Variants in CNTNAP2 observed in about 807,000 individuals in gnomAD.
CNTNAP2 encodes contactin associated protein 2.
A neutral mutation model predicts 155.2 loss-of-function variants in CNTNAP2; 98 were observed. The ratio of observed to expected loss-of-function variants is 0.63; its 90% confidence interval spans 0.54 to 0.75. The LOEUF (loss-of-function observed/expected upper bound fraction) is 0.75, where lower values mean the gene tolerates loss of function less well. Among genes scored for constraint, CNTNAP2 ranks in the 30% least tolerant of loss-of-function variants. CNTNAP2 has a pLI of 0.00. For missense variants in CNTNAP2, 1,727 were observed against 1,688.1 expected, an observed-to-expected ratio of 1.02 and a Z score of -0.40; for synonymous variants, 651 against 631.2, an observed-to-expected ratio of 1.03 and a Z score of -0.47.
In CNTNAP2 at chr7:148,061,954, T is replaced by TATAGATAGATAG. The variant is rs10535597; in HGVS notation, c.2384-56121_2384-56110dup. Among the ~76,000 whole-genome samples the TATAGATAGATAG allele has an allele frequency of 1.5e-3, 143 of 95,964 alleles. 5 individuals are homozygous for TATAGATAGATAG. In the East Asian group the frequency reaches 0.02, roughly 14 times the overall value. The allele number at this position is 95,964 out of a possible 152,430, so 63.0% of individuals were successfully genotyped here. ...ATAGATAGATAGATAGATAAACAGATATAGATAGATAGATAGATAGATAGA... is the reference window on the plus strand; with the variant it reads ...ATAGATAGATAGATAGATAAACAGATATAGATAGATAGATAGATAGATAGATAGATAGATAGA... On this transcript the variant is annotated intron_variant, in intron 15 of 23. Transcript: ENST00000361727.
intron 9 of CNTNAP2, among the ~76,000 whole-genome samples, chr7:147,390,157 A>G (rs1796685551): frequency 6.6e-6 from 1 of 152,232 alleles, no homozygotes; most frequent in Non-Finnish European, 1.5e-5. Context: ...CAGGAGGTTC[A>G]GTATCAGAGA....
Position 148,136,518 on chromosome 7 carries a change from T to C in CNTNAP2, c.2555-10973T>C, listed in dbSNP as rs117204411. ...AGTCGATGCCAGCACTATGCTCATA[T>C]AGCCTGCAGAGCCAAGAGTCAAATA... On this transcript the variant is annotated intron_variant, in intron 16 of 23. Transcript: ENST00000361727. Among the ~76,000 whole-genome samples the C allele has an allele frequency of 6.8e-3, 1,043 of 152,290 alleles. 8 individuals carry two copies. Among genetic ancestry groups the C allele is most frequent in the South Asian group, 0.02 (95 of 4,824 alleles).
intron 13 of CNTNAP2, among the ~76,000 whole-genome samples, chr7:147,897,746 T>G (rs541049994): frequency 6.6e-6 from 1 of 152,338 alleles, no homozygotes; most frequent in South Asian, 2.1e-4. Flanking sequence ...GTGGTTGAGA[T>G]GCTGTGGTTT....
chr7:148,287,792 T>C, intron 21 of CNTNAP2, among the ~76,000 whole-genome samples: 1 of 21,132 alleles, frequency 4.7e-5, no homozygotes, highest in East Asian at 2.5e-3. Flanking sequence ...TCTTTCTTTT[T>C]TTCTTTTTTT....
At chr7:148,199,657 G>A (rs1338815655) in intron 18 of CNTNAP2, among the ~76,000 whole-genome samples, 1 of 152,208 alleles carries the variant, frequency 6.6e-6, no homozygotes, top group Non-Finnish European at 1.5e-5. Context: ...AGTTCAAATT[G>A]AGATTGTGCT....
intron 1 of CNTNAP2, among the ~76,000 whole-genome samples, chr7:146,261,458 A>G (rs1409674161): frequency 1.3e-5 from 2 of 151,806 alleles, no homozygotes; most frequent in Non-Finnish European, 2.9e-5. Flanking sequence ...AATAAATAAT[A>G]TAGAATTTAT....
intron 3 of CNTNAP2, among the ~76,000 whole-genome samples, chr7:146,988,572 G>C (rs538867112): frequency 6.6e-6 from 1 of 152,186 alleles, no homozygotes; most frequent in Admixed American, 6.5e-5. Flanking sequence ...TTTGGGTAGG[G>C]GGTATTTCTT....
chr7:147,866,765 T>G (rs1014178812), intron 13 of CNTNAP2, among the ~76,000 whole-genome samples: 26 of 151,594 alleles, frequency 1.7e-4, no homozygotes, highest in African/African-American at 6.1e-4. Flanking sequence ...TTTTTTGTTT[T>G]TTGTTGTTGT....
At chr7:147,498,907 C>T (rs536893656) in intron 11 of CNTNAP2, among the ~76,000 whole-genome samples, 2 of 152,062 alleles carry the variant, frequency 1.3e-5, no homozygotes, top group East Asian at 3.9e-4. Context: ...GGAATGGGCT[C>T]ACATTGACAC....
intron 8 of CNTNAP2, among the ~76,000 whole-genome samples, chr7:147,133,462 C>T (rs1463613558): frequency 6.6e-6 from 1 of 151,966 alleles, no homozygotes; most frequent in African/African-American, 2.4e-5. Flanking sequence ...ATGCCATATA[C>T]TCTCATGGCA....
At chr7:146,126,746 T>C (rs921667242) in intron 1 of CNTNAP2, among the ~76,000 whole-genome samples, 6 of 152,230 alleles carry the variant, frequency 3.9e-5, no homozygotes, top group African/African-American at 1.2e-4. Context: ...ATGAAGCTTT[T>C]CTTGAGAGTG....
At chr7:147,802,196 G>A (rs1311944824) in intron 13 of CNTNAP2, among the ~76,000 whole-genome samples, 3 of 146,706 alleles carry the variant, frequency 2.0e-5, no homozygotes, top group Non-Finnish European at 4.5e-5. Context: ...GGGCAGAGGT[G>A]CTCCCCACAT....
rs188934552 is a variant in CNTNAP2 at position 147,229,880 on chromosome 7, T to G, written c.1349-70261T>G. On this transcript the variant is annotated intron_variant, in intron 8 of 23. Coordinates refer to ENST00000361727, the MANE Select transcript of CNTNAP2 (RefSeq NM_014141.6). Reference sequence around the variant, plus strand: ...CGGGACATCTAATCCATGGCTCTATTAATGCTTTATATTTTGTGGCTTAAA... The same window carrying G: ...CGGGACATCTAATCCATGGCTCTATGAATGCTTTATATTTTGTGGCTTAAA... Among the ~76,000 whole-genome samples, 410 of 152,316 alleles carry G rather than the reference T, an allele frequency of 2.7e-3. 1 individual carries two copies. Among genetic ancestry groups the G allele is most frequent in the African/African-American group, 9.2e-3 (384 of 41,588 alleles).
chr7:147,038,029 C>A (rs867272572), intron 3 of CNTNAP2, among the ~76,000 whole-genome samples: 9 of 152,152 alleles, frequency 5.9e-5, no homozygotes, highest in East Asian at 3.9e-4. Flanking sequence ...TTGGCACACA[C>A]CTATAGTCCT....
At chr7:147,004,075 T>C (rs1798478021) in intron 3 of CNTNAP2, among the ~76,000 whole-genome samples, 1 of 151,742 alleles carries the variant, frequency 6.6e-6, no homozygotes, top group African/African-American at 2.4e-5. Flanking sequence ...GTTAATTAGG[T>C]ACAATAACAA....
intron 1 of CNTNAP2, among the ~76,000 whole-genome samples, chr7:146,711,728 T>G (rs1335462769): frequency 6.8e-6 from 1 of 146,686 alleles, no homozygotes; most frequent in Admixed American, 6.9e-5. Context: ...ACACATCTTA[T>G]GTATACATAT....
At chr7:146,485,104 T>G (rs906857845) in intron 1 of CNTNAP2, among the ~76,000 whole-genome samples, 1 of 152,100 alleles carries the variant, frequency 6.6e-6, no homozygotes, top group Non-Finnish European at 1.5e-5. Context: ...TTTCTTAACT[T>G]TAGGCTTTTA....
chr7:147,321,804 G>A (rs1584871718), intron 9 of CNTNAP2, among the ~76,000 whole-genome samples: 2 of 152,106 alleles, frequency 1.3e-5, no homozygotes, highest in East Asian at 3.9e-4. Context: ...AGTCTTCAAG[G>A]CCTGGTGTCC....
intron 15 of CNTNAP2, among the ~76,000 whole-genome samples, chr7:147,978,578 T>C (rs1585058604): frequency 6.6e-6 from 1 of 151,854 alleles, no homozygotes; most frequent in African/African-American, 2.4e-5. Context: ...CAGTGGGAGG[T>C]AAGGGAGTTG....
Sources: allele counts gnomAD v4.1 joint callset (sites outside exome capture counted in the v4.1 genomes callset), GRCh38; gene constraint gnomAD v4.1.1; transcripts MANE v1.5; gene names NCBI Gene and HGNC (gene_info 2026-07-23, HGNC 2026-07-21).